Variants in ETS1 observed in about 807,000 individuals in gnomAD.
ETS1 encodes ETS proto-oncogene 1, transcription factor, also known as protein C-ets-1.
In ETS1, 15 loss-of-function variants were observed where a neutral mutation model predicts 58.6. The ratio of observed to expected loss-of-function variants is 0.26; its 90% CI spans 0.17 to 0.39. The LOEUF (loss-of-function observed/expected upper bound fraction) is 0.39. Among genes scored for constraint, ETS1 ranks in the 10% least tolerant of loss-of-function variants. The probability of loss-of-function intolerance (pLI) is 1.00; values close to 1 mark genes in which losing one functional copy is unlikely to be tolerated. For synonymous variants in ETS1, 214 were observed against 218.2 expected, an observed-to-expected ratio of 0.98 and a Z score of 0.17; for missense variants, 417 against 610.5, an observed-to-expected ratio of 0.68 and a Z score of 3.34.
chr11:128,472,392 T>A, intron 8 of ETS1, among the ~76,000 whole-genome samples: 1 of 152,266 alleles, frequency 6.6e-6, no homozygotes. Context: ...ACAATAAAGT[T>A]TGGGGAGTTA....
intron 1 of ETS1, among the ~76,000 whole-genome samples, chr11:128,577,387 C>A (rs933565206): frequency 6.6e-6 from 1 of 152,154 alleles, no homozygotes; most frequent in African/African-American, 2.4e-5. Flanking sequence ...TGAATAGCAG[C>A]GCCTTTCTCC....
At chr11:128,518,733 T>C (rs1181390500) in intron 3 of ETS1, among the ~76,000 whole-genome samples, 1 of 152,326 alleles carries the variant, frequency 6.6e-6, no homozygotes, top group East Asian at 1.9e-4. Context: ...TTCTTTCTTG[T>C]CTACACTGAT....
At chr11:128,585,064 GAA>G (rs1159376230) in intron 1 of ETS1, among the ~76,000 whole-genome samples, 2 of 20,750 alleles carry the variant, frequency 9.6e-5, no homozygotes, top group African/African-American at 9.9e-4. Context: ...AAGAAAGAAA[GAA>G]AGAAAGAAAG....
At chr11:128,543,343 C>T (rs1158777340) in intron 3 of ETS1, among the ~76,000 whole-genome samples, 1 of 152,046 alleles carries the variant, frequency 6.6e-6, no homozygotes, top group African/African-American at 2.4e-5. Context: ...GCTACCAGAA[C>T]AGCATAGATT....
chr11:128,505,334 T>C (rs1164273179), intron 3 of ETS1: 1 of 152,222 alleles, frequency 6.6e-6, no homozygotes, highest in East Asian at 1.9e-4. Flanking sequence ...ATCTAATTAA[T>C]GAAGCTATCT....
chr11:128,545,235 G>A (rs559109563), intron 3 of ETS1, among the ~76,000 whole-genome samples: 4 of 152,210 alleles, frequency 2.6e-5, no homozygotes, highest in Admixed American at 6.5e-5. Flanking sequence ...ACAGTGTCTT[G>A]TTTTCCCTTT....
chr11:128,474,389 A>G (rs913343431), intron 8 of ETS1, among the ~76,000 whole-genome samples: 6 of 152,066 alleles, frequency 3.9e-5, no homozygotes, highest in Non-Finnish European at 5.9e-5. Flanking sequence ...AAAGACATTT[A>G]GAAAAAAAAA....
At chr11:128,584,938 A>AAAAGAAAG (rs765433081) in intron 1 of ETS1, among the ~76,000 whole-genome samples, 887 of 62,564 alleles carry the variant, frequency 0.014, 204 homozygotes, top group Middle Eastern at 0.025. Context: ...GAAAAAAGAG[A>AAAAGAAAG]AAAGAAAGAA....
In ETS1 at chr11:128,548,132, A is replaced by AAAGGAAAGGAAAGGG. The variant is rs1555086212; in HGVS notation, c.214+8158_214+8159insCCCTTTCCTTTCCTT. 1.2e-3 allele frequency among the ~76,000 whole-genome samples: 104 copies of AAAGGAAAGGAAAGGG among 83,902 alleles called. 2 individuals are homozygous for AAAGGAAAGGAAAGGG. Among genetic ancestry groups the AAAGGAAAGGAAAGGG allele is most frequent in the Non-Finnish European group, 1.4e-3 (65 of 46,382 alleles). The allele number at this position is 83,902 out of a possible 152,430, so 55.0% of individuals were successfully genotyped here. A position where few individuals can be genotyped will look rare whatever the true frequency, so the allele number is the denominator to read the frequency against. ...AAAGGGAAGGAAAGGAAAGGAAAGG[A>AAAGGAAAGGAAAGGG]AAGGGAAGGGAAGGGAAGGGAAGGA... On this transcript the variant is annotated intron_variant, in intron 3 of 9. Coordinates refer to ENST00000392668, the MANE Select transcript of ETS1 (RefSeq NM_001143820.2).
rs576915850 is a variant in ETS1, at chr11:128,492,517, G to T, written c.215-1941C>A. Among the ~76,000 whole-genome samples, 6 of 151,978 alleles carry T rather than the reference G, an allele frequency of 3.9e-5. No individual in the cohort carries two copies. The East Asian group carries it at 1.2e-3, about 29-fold the overall frequency. The stretch of plus-strand genomic sequence containing the variant: ...AAGTTCCAGGGAGTGGTAAGTTTGG[G>T]TTGCCCTGGGACATGCCCAAAAAAA... On this transcript the variant is annotated intron_variant, in intron 3 of 9. Transcript: ENST00000392668.
intron 3 of ETS1, among the ~76,000 whole-genome samples, chr11:128,513,397 G>A (rs1253698932): frequency 6.6e-6 from 1 of 152,168 alleles, no homozygotes; most frequent in Admixed American, 6.5e-5. Context: ...ACTTGCCTAA[G>A]GTCACACAGA....
Position 128,546,069 on chromosome 11 carries a change from G to A in ETS1, c.214+10222C>T, listed in dbSNP as rs550325699. Among the ~76,000 whole-genome samples, 9 of 152,278 alleles carry A rather than the reference G, an allele frequency of 5.9e-5. No individual in the cohort carries two copies. The South Asian group carries it at 1.2e-3, about 21-fold the overall frequency. On this transcript the variant is annotated intron_variant, in intron 3 of 9. Coordinates refer to ENST00000392668, the MANE Select transcript of ETS1 (RefSeq NM_001143820.2). Reference sequence around the variant, plus strand: ...TCAACCAGTGAACATTCACCAGGACGCAAGCTCTAAGCCCTGCTCAGCTAA... The same window carrying A: ...TCAACCAGTGAACATTCACCAGGACACAAGCTCTAAGCCCTGCTCAGCTAA...
At chr11:128,466,761 CTCTCT>C (rs1862047804) in intron 8 of ETS1, among the ~76,000 whole-genome samples, 2 of 149,132 alleles carry the variant, frequency 1.3e-5, no homozygotes, top group Non-Finnish European at 3.0e-5. Flanking sequence ...AGGTGCAGAG[CTCTCT>C]AACTCTTTTT....
chr11:128,569,131 A>T (rs1864567815), intron 2 of ETS1, among the ~76,000 whole-genome samples: 2 of 152,186 alleles, frequency 1.3e-5, no homozygotes, highest in East Asian at 1.9e-4. Flanking sequence ...GTACTAAAAG[A>T]TGTTCAGTTA....
intron 8 of ETS1, among the ~76,000 whole-genome samples, chr11:128,472,392 T>C (rs1429442298): frequency 1.3e-5 from 2 of 152,266 alleles, no homozygotes; most frequent in East Asian, 3.9e-4. Flanking sequence ...ACAATAAAGT[T>C]TGGGGAGTTA....
chr11:128,516,213 G>GA (rs1396416947), intron 3 of ETS1, among the ~76,000 whole-genome samples: 3 of 152,166 alleles, frequency 2.0e-5, no homozygotes, highest in African/African-American at 7.2e-5. Flanking sequence ...CTGAAGTTTT[G>GA]AAAAAGATAT....
chr11:128,565,677 T>G (rs1864481732), intron 2 of ETS1, among the ~76,000 whole-genome samples: 1 of 152,218 alleles, frequency 6.6e-6, no homozygotes. Flanking sequence ...TCCTTCAATT[T>G]CTGTGACAAC....
At chr11:128,485,145 G>C in intron 6 of ETS1, 74 bp from the exon 7 acceptor site, 1 of 1,359,964 alleles carries the variant, frequency 7.4e-7, no homozygotes, top group Non-Finnish European at 1.0e-6. Flanking sequence ...CCATCTACAG[G>C]GCCCTATGAT....
chr11:128,585,886 A>AC (rs1865021974), intron 1 of ETS1, among the ~76,000 whole-genome samples: 1 of 151,930 alleles, frequency 6.6e-6, no homozygotes, highest in Admixed American at 6.6e-5. Context: ...TCAAGTTCTG[A>AC]CCCCACTTGC....
Sources: allele counts gnomAD v4.1 joint callset (sites outside exome capture counted in the v4.1 genomes callset), GRCh38; gene constraint gnomAD v4.1.1; transcripts MANE v1.5; gene names NCBI Gene and HGNC (gene_info 2026-07-23, HGNC 2026-07-21).